The following SEC14L1 variants were observed in gnomAD, a reference collection of about 807,000 sequenced individuals.
SEC14L1 encodes SEC14-like protein 1.
In SEC14L1, 48 loss-of-function variants were observed where a neutral mutation model predicts 85.3. The observed-to-expected ratio is 0.56, with a 90% confidence interval of 0.45 to 0.72. SEC14L1 has a LOEUF of 0.72. Ranked by LOEUF, SEC14L1 falls within the 30% of genes least tolerant of loss-of-function variation. The pLI is 0.00. For missense variants in SEC14L1, 682 were observed against 921.4 expected, an observed-to-expected ratio of 0.74 and a Z score of 3.36; for synonymous variants, 391 against 355.5, an observed-to-expected ratio of 1.10 and a Z score of -1.12.
intron 3 of SEC14L1, among the ~76,000 whole-genome samples, chr17:77,113,463 G>C (rs756478128): frequency 1.6e-4 from 25 of 151,978 alleles, no homozygotes; most frequent in Non-Finnish European, 3.2e-4. Flanking sequence ...ACGAGTTAAG[G>C]CTGGGCTCAG....
chr17:77,152,147 T>C (rs568553808), intron 3 of SEC14L1, among the ~76,000 whole-genome samples: 13 of 152,278 alleles, frequency 8.5e-5, no homozygotes, highest in Admixed American at 3.9e-4. Context: ...AATTTTTCTT[T>C]TTTTAAATTT....
At chr17:77,151,213 C>T (rs966536423) in intron 3 of SEC14L1, among the ~76,000 whole-genome samples, 1 of 152,118 alleles carries the variant, frequency 6.6e-6, no homozygotes, top group Non-Finnish European at 1.5e-5. Flanking sequence ...TCCATTTTCT[C>T]CTATGACATA....
chr17:77,101,853 G>A (rs546976251), intron 3 of SEC14L1, among the ~76,000 whole-genome samples: 14 of 152,242 alleles, frequency 9.2e-5, no homozygotes, highest in African/African-American at 1.2e-4. Context: ...TTAAACCAGC[G>A]TCCTGTGTTA....
chr17:77,124,997 ATTTTTATTATT>A (rs1972402644), intron 3 of SEC14L1, among the ~76,000 whole-genome samples: 7 of 67,742 alleles, frequency 1.0e-4, no homozygotes, highest in East Asian at 2.6e-4. Context: ...TATTATTATT[ATTTTTATTATT>A]ATTATATATT....
intron 3 of SEC14L1, among the ~76,000 whole-genome samples, chr17:77,174,003 C>T (rs1242247646): frequency 1.3e-5 from 2 of 152,094 alleles, no homozygotes; most frequent in South Asian, 2.1e-4. Context: ...TGGGTTCAAG[C>T]GATTCTTCTG....
chr17:77,197,743 G>A (rs1269436913), intron 8 of SEC14L1, among the ~76,000 whole-genome samples: 3 of 152,004 alleles, frequency 2.0e-5, no homozygotes, highest in South Asian at 2.1e-4. Flanking sequence ...CTGAGAGCTG[G>A]GGTTAGCTCT....
chr17:77,149,317 G>C (rs1437403854), intron 3 of SEC14L1, among the ~76,000 whole-genome samples: 1 of 152,214 alleles, frequency 6.6e-6, no homozygotes, highest in Non-Finnish European at 1.5e-5. Flanking sequence ...GACATAGTCT[G>C]TGGGCATGCA....
chr17:77,197,274 T>C (rs540757116), intron 8 of SEC14L1, among the ~76,000 whole-genome samples: 11 of 152,306 alleles, frequency 7.2e-5, no homozygotes, highest in South Asian at 6.2e-4. Flanking sequence ...GGTAAACACA[T>C]GGCCACGGAG....
At chr17:77,145,786 T>C (rs907494921) in intron 3 of SEC14L1, among the ~76,000 whole-genome samples, 2 of 152,140 alleles carry the variant, frequency 1.3e-5, no homozygotes, top group African/African-American at 2.4e-5. Flanking sequence ...TCCTGGCTGC[T>C]CTGGGGGCCT....
At chr17:77,143,079 A>G (rs1380424494) in intron 2 of SEC14L1, among the ~76,000 whole-genome samples, 2 of 151,546 alleles carry the variant, frequency 1.3e-5, no homozygotes, top group Non-Finnish European at 2.9e-5. Flanking sequence ...TTTGAGGAGT[A>G]TTCCATAGTT....
intron 10 of SEC14L1, among the ~76,000 whole-genome samples, chr17:77,204,522 C>CATTTTTTTTTTTTTTTTTTTTTTTT (rs1555628453): frequency 3.5e-5 from 3 of 84,728 alleles, no homozygotes; most frequent in Non-Finnish European, 4.8e-5. Context: ...GCCCAGCCAG[C>CATTTTTTTTTTTTTTTTTTTTTTTT]TTTTTTTTTT....
intron 3 of SEC14L1, among the ~76,000 whole-genome samples, chr17:77,154,491 G>A (rs1056319625): frequency 1.3e-5 from 2 of 152,120 alleles, no homozygotes; most frequent in Non-Finnish European, 2.9e-5. Flanking sequence ...GAGGATGTGT[G>A]TAGGTTAAAT....
At chr17:77,159,303 G>A (rs1239751569) in intron 3 of SEC14L1, among the ~76,000 whole-genome samples, 3 of 151,868 alleles carry the variant, frequency 2.0e-5, no homozygotes, top group Admixed American at 6.6e-5. Flanking sequence ...CTGACCTCAG[G>A]CGATGGGCCT....
At chr17:77,170,338 G>T (rs1974472056) in intron 3 of SEC14L1, among the ~76,000 whole-genome samples, 1 of 152,146 alleles carries the variant, frequency 6.6e-6, no homozygotes, top group Admixed American at 6.5e-5. Flanking sequence ...CGTTTTTGGT[G>T]GTCCTGACTG....
chr17:77,174,837 T>C (rs548163641), intron 3 of SEC14L1, among the ~76,000 whole-genome samples: 1 of 152,244 alleles, frequency 6.6e-6, no homozygotes, highest in African/African-American at 2.4e-5. Context: ...GCCGCCTGCA[T>C]CTGTTACGAC....
chr17:77,168,744 C>T (rs1342101041), intron 3 of SEC14L1, among the ~76,000 whole-genome samples: 2 of 152,136 alleles, frequency 1.3e-5, no homozygotes, highest in African/African-American at 4.8e-5. Flanking sequence ...CTTCTATTTT[C>T]CCAGGGCATT....
chr17:77,209,550 G>T lies in SEC14L1; in HGVS notation c.1611+74G>T, dbSNP rs1374853719. 15 of 1,526,840 alleles carry T rather than the reference G, an allele frequency of 9.8e-6. No homozygotes were observed. In the Middle Eastern group the frequency reaches 5.1e-4, roughly 52 times the overall value. 94.6% of individuals were successfully genotyped at this position (1,526,840 alleles called of 1,614,324 possible). A position where few individuals can be genotyped will look rare whatever the true frequency, so the allele number is the denominator to read the frequency against. On this transcript the variant is annotated intron_variant, in intron 14 of 16. Coordinates refer to ENST00000436233, the MANE Select transcript of SEC14L1 (RefSeq NM_001143998.2). ...GGCCTGGCCCTCGCAGGGCTTCCTG[G>T]CAGCCTTTCATTCAGAACAGTCCAC...
intron 3 of SEC14L1, among the ~76,000 whole-genome samples, chr17:77,179,014 G>A (rs911169133): frequency 6.6e-6 from 1 of 152,178 alleles, no homozygotes; most frequent in African/African-American, 2.4e-5. Flanking sequence ...GAGAAAACGT[G>A]GAATTTGGAA....
Position 77,089,135 on chromosome 17 carries a change from G to A in SEC14L1, c.-358-18G>A, listed in dbSNP as rs918734617. On this transcript the variant is annotated intron_variant, in intron 1 of 19. Coordinates refer to the SEC14L1 transcript ENST00000392476. The stretch of plus-strand genomic sequence containing the variant: ...CTTTTGTCCTTTTAAAGCACATTAT[G>A]TTACTTTTTCCCCCAAGGTTTCAAC... 1.8e-4 allele frequency: 52 copies of A among 296,340 alleles called. 1 individual carries two copies. In the Admixed American group the frequency reaches 2.2e-3, roughly 12 times the overall value. The allele number at this position is 296,340 out of a possible 1,614,324, so 18.4% of individuals were successfully genotyped here. A position where few individuals can be genotyped will look rare whatever the true frequency, so the allele number is the denominator to read the frequency against.
Sources: gnomAD v4.1 joint callset for allele counts (sites outside exome capture counted in the v4.1 genomes callset) on GRCh38, gnomAD v4.1.1 for gene constraint, MANE v1.5 for transcripts, NCBI Gene and HGNC (gene_info 2026-07-23, HGNC 2026-07-21) for gene names.